Variants in LIN28B observed in about 807,000 individuals in gnomAD.
LIN28B encodes the protein protein lin-28 homolog B.
LIN28B carries 5 observed loss-of-function variants against 21.9 expected under a neutral mutation model. That is an observed-to-expected ratio of 0.23 (90% confidence interval 0.12 to 0.48). LIN28B has a LOEUF of 0.48. Ranked by LOEUF, LIN28B falls within the 20% of genes least tolerant of loss-of-function variation. LIN28B has a pLI of 0.98. For synonymous variants in LIN28B, 109 were observed against 111.3 expected (o/e 0.98, Z 0.13); for missense variants, 245 against 310.5 (o/e 0.79, Z 1.58).
At chr6:104,962,289 A>G (rs1468364111) in intron 2 of LIN28B, among the ~76,000 whole-genome samples, 2 of 152,052 alleles carry the variant, frequency 1.3e-5, no homozygotes, top group African/African-American at 4.8e-5. Flanking sequence ...TAATTTCAAA[A>G]TGACTGCAAT....
At chr6:105,063,844 A>ATTTT (rs56230771) in intron 3 of LIN28B, among the ~76,000 whole-genome samples, 2 of 147,550 alleles carry the variant, frequency 1.4e-5, no homozygotes, top group Non-Finnish European at 1.5e-5. Context: ...CAGTCTTAAA[A>ATTTT]TTTTTTTTTT....
intron 3 of LIN28B, among the ~76,000 whole-genome samples, chr6:105,051,888 C>T (rs1771913773): frequency 6.6e-6 from 1 of 152,120 alleles, no homozygotes; most frequent in African/African-American, 2.4e-5. Flanking sequence ...TAAGCAAAAA[C>T]AGACTTATTA....
At chr6:105,060,608 A>T (rs1772106865) in intron 3 of LIN28B, among the ~76,000 whole-genome samples, 1 of 152,200 alleles carries the variant, frequency 6.6e-6, no homozygotes, top group African/African-American at 2.4e-5. Context: ...ACTCCCAAAT[A>T]GACAGGAAGC....
At chr6:104,965,447 C>T (rs1769835186) in intron 2 of LIN28B, among the ~76,000 whole-genome samples, 1 of 152,162 alleles carries the variant, frequency 6.6e-6, no homozygotes, top group Non-Finnish European at 1.5e-5. Context: ...TTCTTGAGCC[C>T]AGGAGACAGA....
chr6:105,070,368 A>G (rs1772307645), intron 3 of LIN28B, among the ~76,000 whole-genome samples: 1 of 152,250 alleles, frequency 6.6e-6, no homozygotes, highest in East Asian at 1.9e-4. Context: ...TATAATTATA[A>G]TTGCTCTTTT....
At chr6:104,982,677 A>T (rs1242675207) in intron 2 of LIN28B, among the ~76,000 whole-genome samples, 1 of 152,220 alleles carries the variant, frequency 6.6e-6, no homozygotes, top group East Asian at 1.9e-4. Context: ...GGAGACAAGT[A>T]CTGGGAAATT....
chr6:104,995,457 G>C (rs189559357), intron 2 of LIN28B, among the ~76,000 whole-genome samples: 4 of 152,260 alleles, frequency 2.6e-5, no homozygotes, highest in African/African-American at 9.6e-5. Context: ...ATCTGTTTTA[G>C]AAATGTAAGT....
chr6:105,031,778 G>T (rs570079636), intron 3 of LIN28B, among the ~76,000 whole-genome samples: 10 of 152,062 alleles, frequency 6.6e-5, no homozygotes, highest in East Asian at 3.9e-4. Flanking sequence ...CTCGTGATCC[G>T]CCCGCCTTGG....
At chr6:104,948,024 GAA>G (rs1021832533) in intron 2 of LIN28B, among the ~76,000 whole-genome samples, 2 of 152,070 alleles carry the variant, frequency 1.3e-5, no homozygotes, top group Admixed American at 1.3e-4. Flanking sequence ...GGAACAGTAT[GAA>G]AAAGAGCTCT....
At chr6:105,005,313 A>G (rs1770794499) in intron 2 of LIN28B, among the ~76,000 whole-genome samples, 1 of 151,866 alleles carries the variant, frequency 6.6e-6, no homozygotes, top group Non-Finnish European at 1.5e-5. Flanking sequence ...GTGATTTTGC[A>G]GGGTTTTTTA....
At chr6:104,948,417 A>G (rs1015253120) in intron 2 of LIN28B, among the ~76,000 whole-genome samples, 1 of 152,196 alleles carries the variant, frequency 6.6e-6, no homozygotes, top group African/African-American at 2.4e-5. Context: ...CAGTGAGCCT[A>G]GATTGCACCA....
intron 3 of LIN28B, among the ~76,000 whole-genome samples, chr6:105,073,541 C>T (rs1772371120): frequency 6.6e-6 from 1 of 152,176 alleles, no homozygotes; most frequent in East Asian, 1.9e-4. Flanking sequence ...TCAACAATTC[C>T]TTCCCCTTCA....
At chr6:105,000,300 T>C (rs1562087811) in intron 2 of LIN28B, among the ~76,000 whole-genome samples, 1 of 152,200 alleles carries the variant, frequency 6.6e-6, no homozygotes, top group African/African-American at 2.4e-5. Flanking sequence ...AAGTTTTCTA[T>C]ACACACAGTT....
At chr6:104,998,252 T>G (rs1375463261) in intron 2 of LIN28B, among the ~76,000 whole-genome samples, 2 of 152,296 alleles carry the variant, frequency 1.3e-5, no homozygotes, top group East Asian at 1.9e-4. Flanking sequence ...TAACCTATTA[T>G]GTAATTGAAG....
chr6:104,974,778 AC>A (rs1224049760), intron 2 of LIN28B, among the ~76,000 whole-genome samples: 2 of 151,878 alleles, frequency 1.3e-5, no homozygotes, highest in East Asian at 3.9e-4. Context: ...CATAAAACTT[AC>A]GTTTTATGGA....
At chr6:105,058,073 A>AT in intron 3 of LIN28B, 1 of 397,340 alleles carries the variant, frequency 2.5e-6, no homozygotes, top group Non-Finnish European at 4.9e-6. Flanking sequence ...GTCTACAGGA[A>AT]TTTTTTGACT....
At chr6:104,982,236 C>T (rs1770239731) in intron 2 of LIN28B, among the ~76,000 whole-genome samples, 1 of 151,712 alleles carries the variant, frequency 6.6e-6, no homozygotes, top group Non-Finnish European at 1.5e-5. Context: ...ATCGCTTGAA[C>T]CAGGGAGGCA....
intron 2 of LIN28B, among the ~76,000 whole-genome samples, chr6:105,003,799 C>T (rs1770763094): frequency 6.6e-6 from 1 of 152,196 alleles, no homozygotes. Context: ...GCGTGAGCCA[C>T]TGCACCCAGC....
intron 2 of LIN28B, among the ~76,000 whole-genome samples, chr6:104,987,366 G>A (rs1770368867): frequency 6.6e-6 from 1 of 152,034 alleles, no homozygotes; most frequent in Non-Finnish European, 1.5e-5. Context: ...ACTTATTTCT[G>A]GTGGGGATGG....
Sources: allele counts gnomAD v4.1 joint callset (sites outside exome capture counted in the v4.1 genomes callset), GRCh38; gene constraint gnomAD v4.1.1; transcripts MANE v1.5; gene names NCBI Gene and HGNC (gene_info 2026-07-23, HGNC 2026-07-21).